Variants in RIN2 observed in about 807,000 individuals in gnomAD.
RIN2 encodes the protein RAB5 interacting protein 2.
In RIN2, 36 loss-of-function variants were observed where a neutral mutation model predicts 78.0. The ratio of observed to expected loss-of-function variants is 0.46; its 90% CI spans 0.35 to 0.61. The LOEUF is 0.61. Ranked by LOEUF, RIN2 falls within the 20% of genes least tolerant of loss-of-function variation. The pLI is 0.00. For synonymous variants in RIN2, 466 were observed against 466.8 expected, an observed-to-expected ratio of 1.00 and a Z score of 0.02; for missense variants, 1,087 against 1,159.7, an observed-to-expected ratio of 0.94 and a Z score of 0.91.
chr20:19,828,192 CTG>C (rs1420740477), intron 2 of RIN2, among the ~76,000 whole-genome samples: 1 of 152,190 alleles, frequency 6.6e-6, no homozygotes, highest in African/African-American at 2.4e-5. Context: ...TGTGAAATCT[CTG>C]TTTGTAAACC....
chr20:19,775,809 G>A (rs1023424938), intron 1 of RIN2, among the ~76,000 whole-genome samples: 5 of 152,174 alleles, frequency 3.3e-5, no homozygotes, highest in Admixed American at 6.5e-5. Flanking sequence ...GAGTATGTCC[G>A]CCCCAGGGCC....
chr20:19,823,891 G>T, intron 2 of RIN2: 5 of 1,600,746 alleles, frequency 3.1e-6, no homozygotes, highest in South Asian at 1.1e-5. Context: ...TTCACCTCCG[G>T]TGCACCTCAG....
chr20:19,805,396 T>C (rs1236361043), intron 2 of RIN2, among the ~76,000 whole-genome samples: 1 of 152,126 alleles, frequency 6.6e-6, no homozygotes, highest in East Asian at 1.9e-4. Context: ...CTGAAAGAAG[T>C]TATAGGGACC....
intron 3 of RIN2, among the ~76,000 whole-genome samples, chr20:19,906,684 G>A (rs771358705): frequency 4.6e-5 from 7 of 152,116 alleles, no homozygotes; most frequent in Non-Finnish European, 1.0e-4. Context: ...GTGGTCCAGG[G>A]TTTCTAATTT....
chr20:19,974,579 C>CT (rs1031041798), intron 8 of RIN2, 75 bp from the exon 9 acceptor site: 30 of 1,473,998 alleles, frequency 2.0e-5, no homozygotes, highest in African/African-American at 1.4e-4. Flanking sequence ...ATGCAGTGTG[C>CT]TTTTTTTAAT....
intron 1 of RIN2, among the ~76,000 whole-genome samples, chr20:19,778,971 C>CT (rs1298600990): frequency 1.3e-5 from 2 of 152,068 alleles, no homozygotes; most frequent in Non-Finnish European, 2.9e-5. Context: ...AGAGTTTGGA[C>CT]TTAGAACATC....
At chr20:19,930,018 A>G (rs915428143) in intron 3 of RIN2, among the ~76,000 whole-genome samples, 1 of 148,392 alleles carries the variant, frequency 6.7e-6, no homozygotes, top group Non-Finnish European at 1.5e-5. Flanking sequence ...TCCATTTGTG[A>G]GATTAAATCC....
At chr20:19,841,186 G>A (rs2036565131) in intron 2 of RIN2, among the ~76,000 whole-genome samples, 1 of 152,024 alleles carries the variant, frequency 6.6e-6, no homozygotes, top group Admixed American at 6.5e-5. Context: ...GGCCTCAAGT[G>A]TTCCTTCCAC....
intron 2 of RIN2, among the ~76,000 whole-genome samples, chr20:19,863,430 G>A (rs2037405767): frequency 6.6e-6 from 1 of 152,116 alleles, no homozygotes; most frequent in African/African-American, 2.4e-5. Flanking sequence ...GAGTACTGGG[G>A]AGTTAATGTC....
At chr20:19,813,055 A>AG (rs1160216524) in intron 2 of RIN2, among the ~76,000 whole-genome samples, 11 of 152,220 alleles carry the variant, frequency 7.2e-5, no homozygotes, top group Non-Finnish European at 1.6e-4. Flanking sequence ...CCACCCCTGC[A>AG]GGAAGAACAC....
intron 1 of RIN2, among the ~76,000 whole-genome samples, chr20:19,767,987 C>A (rs1480558972): frequency 6.6e-6 from 1 of 151,448 alleles, no homozygotes; most frequent in Non-Finnish European, 1.5e-5. Flanking sequence ...AGGATGTGAC[C>A]CAGACCCTCT....
chr20:19,961,441 C>T (rs2041744177), intron 6 of RIN2, among the ~76,000 whole-genome samples: 1 of 152,056 alleles, frequency 6.6e-6, no homozygotes. Flanking sequence ...AAGGGAACAC[C>T]CAGTTCTGAT....
rs2043136486 is a variant in RIN2, at chr20:20,001,354, T to TTTC, written c.*418_*419insTTC. 2 of 142,270 alleles carry TTTC rather than the reference T, an allele frequency of 1.4e-5. No homozygotes were observed. Among genetic ancestry groups the TTTC allele is most frequent in the East Asian group, 4.6e-4 (2 of 4,368 alleles). The allele number at this position is 142,270 out of a possible 1,614,324, so 8.8% of individuals were successfully genotyped here. Reference sequence around the variant, plus strand: ...GGCTTCATCCCTGCCTTCCTTCCTTTCTTTTTCCTTTTTTTTTTTTTTTTT... The same window carrying TTTC: ...GGCTTCATCCCTGCCTTCCTTCCTTTTTCCTTTTTCCTTTTTTTTTTTTTTTTT... On this transcript the variant is annotated 3_prime_UTR_variant, in exon 13 of 13. Transcript: ENST00000255006.
chr20:19,865,447 A>T (rs1487587300), intron 2 of RIN2, among the ~76,000 whole-genome samples: 1 of 150,632 alleles, frequency 6.6e-6, no homozygotes, highest in Non-Finnish European at 1.5e-5. Flanking sequence ...GGATTACACA[A>T]TTTTAAATTC....
At chr20:19,862,002 AC>A (rs2037358445) in intron 2 of RIN2, among the ~76,000 whole-genome samples, 5 of 151,278 alleles carry the variant, frequency 3.3e-5, no homozygotes, top group African/African-American at 1.2e-4. Context: ...TCTGATGATC[AC>A]CCTCCATATC....
chr20:19,823,064 T>C (rs1891327494), intron 2 of RIN2, among the ~76,000 whole-genome samples: 1 of 152,012 alleles, frequency 6.6e-6, no homozygotes, highest in Non-Finnish European at 1.5e-5. Context: ...CTGTTTTTAT[T>C]CAATGCCCAT....
chr20:19,788,450 C>CAAAAAAAAA (rs908072671), intron 1 of RIN2, among the ~76,000 whole-genome samples: 2 of 103,518 alleles, frequency 1.9e-5, no homozygotes, highest in African/African-American at 1.2e-4. Flanking sequence ...AAAAAAAAAA[C>CAAAAAAAAA]AACTAGCTAG....
chr20:19,936,569 A>G (rs1219960916), intron 4 of RIN2, among the ~76,000 whole-genome samples: 2 of 152,208 alleles, frequency 1.3e-5, no homozygotes, highest in African/African-American at 4.8e-5. Flanking sequence ...ACAGACACCC[A>G]GACACAGAGC....
chr20:19,978,875 A>G (rs991702092), intron 9 of RIN2, among the ~76,000 whole-genome samples: 6 of 152,186 alleles, frequency 3.9e-5, no homozygotes, highest in Non-Finnish European at 2.9e-5. Context: ...TGGGGGCCCT[A>G]CTTAAAGTAT....
Sources: allele counts gnomAD v4.1 joint callset (sites outside exome capture counted in the v4.1 genomes callset), GRCh38; gene constraint gnomAD v4.1.1; transcripts MANE v1.5; gene names NCBI Gene and HGNC (gene_info 2026-07-23, HGNC 2026-07-21).